ZNF500: variants seen among roughly 807,000 people sequenced by gnomAD.
ZNF500 encodes the protein zinc finger protein 500, also known as zinc finger protein with KRAB and SCAN domains 18.
A neutral mutation model predicts 30.1 loss-of-function variants in ZNF500; 31 were observed. The ratio of observed to expected loss-of-function variants is 1.03; its 90% CI spans 0.77 to 1.39. ZNF500 has a LOEUF of 1.39. Ranked by LOEUF, ZNF500 falls within the 40% of genes most tolerant of loss-of-function variation. The probability of loss-of-function intolerance (pLI) is 0.00; values close to 1 mark genes in which losing one functional copy is unlikely to be tolerated. For synonymous variants in ZNF500, 392 were observed against 282.0 expected, an observed-to-expected ratio of 1.39 and a Z score of -3.91; for missense variants, 817 against 657.8, an observed-to-expected ratio of 1.24 and a Z score of -2.65.
intron 1 of ZNF500, 48 bp from the exon 2 acceptor site, chr16:4,766,124 T>A: frequency 9.9e-7 from 1 of 1,014,094 alleles, no homozygotes; most frequent in Non-Finnish European, 1.4e-6. Context: ...TGGGGCTGGA[T>A]AAGCCCTTTG....
chr16:4,766,515 G>T (rs773107743), intron 1 of ZNF500, among the ~76,000 whole-genome samples: 2 of 152,162 alleles, frequency 1.3e-5, no homozygotes, highest in Admixed American at 6.6e-5. Flanking sequence ...CAGCAACTCG[G>T]GAGGCTGAGA....
intron 4 of ZNF500, 32 bp downstream of exon 4, chr16:4,762,239 A>C: frequency 6.2e-7 from 1 of 1,605,402 alleles, no homozygotes; most frequent in Non-Finnish European, 8.5e-7. Context: ...GCCAGACCCC[A>C]GGATGCTGCA....
chr16:4,763,001 T>G (rs549220977), intron 2 of ZNF500: 1 of 985,424 alleles, frequency 1.0e-6, no homozygotes, highest in Admixed American at 6.1e-5. Flanking sequence ...CCTCTATTCC[T>G]TGGTCCTCCT....
chr16:4,746,882 C>G (rs1266010206), downstream of ZNF500: 1 of 1,481,108 alleles, frequency 6.8e-7, no homozygotes, highest in East Asian at 2.6e-5. Context: ...AGTTGGAACA[C>G]CAGGTGGAGT....
Position 4,766,055 on chromosome 16 carries a change from G to A in ZNF500, c.-77C>T. The A allele has an allele frequency of 1.4e-6, 2 of 1,479,056 alleles. No homozygotes were observed. Among genetic ancestry groups the A allele is most frequent in the South Asian group, 2.8e-5 (2 of 72,104 alleles). The allele number at this position is 1,479,056 out of a possible 1,614,324, so 91.6% of individuals were successfully genotyped here. ...TCTCTATACCTCTGGCCAGACACAG[G>A]AAGAGAGTTTTTTTCAGGGCCCTGT... On this transcript the variant is annotated 5_prime_UTR_variant, in exon 2 of 6. Transcript: ENST00000219478.
chr16:4,745,414 C>T (rs944009112), downstream of ZNF500, among the ~76,000 whole-genome samples: 3 of 152,198 alleles, frequency 2.0e-5, no homozygotes, highest in Admixed American at 6.5e-5. Context: ...ATCTCTGTGT[C>T]TCTGTGTAGG....
Position 4,751,738 on chromosome 16 carries a change from A to C in ZNF500, c.*638T>G. On this transcript the variant is annotated 3_prime_UTR_variant, in exon 6 of 6. Transcript: ENST00000219478. ...GTATTGGGGGACCCTAAACCCAGTG[A>C]GTGGTGGCCCTACCAAAAAAGAGAC... The C allele has an allele frequency of 8.3e-7, 1 of 1,202,962 alleles. No individual in the cohort carries two copies. Among genetic ancestry groups the C allele is most frequent in the Non-Finnish European group, 1.2e-6 (1 of 847,134 alleles). 74.5% of individuals were successfully genotyped at this position (1,202,962 alleles called of 1,614,324 possible).
At chr16:4,756,527 G>A (rs1490482512) in intron 5 of ZNF500, 1 of 151,706 alleles carries the variant, frequency 6.6e-6, no homozygotes, top group Non-Finnish European at 1.5e-5. Context: ...AACACAGTGA[G>A]ACTCCATCTC....
At chr16:4,756,062 A>C (rs1162717817) in intron 5 of ZNF500, among the ~76,000 whole-genome samples, 2 of 152,164 alleles carry the variant, frequency 1.3e-5, no homozygotes, top group Non-Finnish European at 2.9e-5. Flanking sequence ...AATGGGGAGA[A>C]ACTGCTTGTT....
At chr16:4,745,378 T>C (rs2082001690), downstream of ZNF500, among the ~76,000 whole-genome samples, 1 of 152,152 alleles carries the variant, frequency 6.6e-6, no homozygotes. Context: ...GCTCTGGGCA[T>C]GTGACCCCAG....
At chr16:4,746,324 CAG>C, downstream of ZNF500, 3 of 1,560,874 alleles carry the variant, frequency 1.9e-6, no homozygotes, top group Non-Finnish European at 2.6e-6. Context: ...GCGCAGGTCA[CAG>C]AGTTATCACA....
chr16:4,766,849 C>G (rs1156805194), intron 1 of ZNF500, 168 bp downstream of exon 1: 2 of 152,296 alleles, frequency 1.3e-5, no homozygotes, highest in African/African-American at 4.8e-5. Flanking sequence ...CCCCCCAATT[C>G]CAGGGTCCTG....
chr16:4,759,812 G>A (rs924053011), intron 5 of ZNF500, among the ~76,000 whole-genome samples: 12 of 152,158 alleles, frequency 7.9e-5, no homozygotes, highest in Admixed American at 2.0e-4. Flanking sequence ...CTAGGCCAGC[G>A]GATCACCTGA....
At chr16:4,757,213 G>C (rs2082144035) in intron 5 of ZNF500, among the ~76,000 whole-genome samples, 1 of 152,218 alleles carries the variant, frequency 6.6e-6, no homozygotes, top group African/African-American at 2.4e-5. Context: ...TTATTACGAA[G>C]AGTGAAAGAA....
At chr16:4,763,285 G>C (rs145451875) in intron 2 of ZNF500, 7,316 of 294,710 alleles carry the variant, frequency 0.025, 137 homozygotes, top group Non-Finnish European at 0.031. Context: ...TGTAATCCCA[G>C]GTACTTGGGA....
intron 5 of ZNF500, among the ~76,000 whole-genome samples, chr16:4,759,548 G>A (rs573769714): frequency 6.6e-6 from 1 of 152,152 alleles, no homozygotes; most frequent in African/African-American, 2.4e-5. Flanking sequence ...TCAAGACCGT[G>A]GCACAGAAAT....
At chr16:4,747,395 G>A (rs1238378826), downstream of ZNF500, 1 of 1,610,648 alleles carries the variant, frequency 6.2e-7, no homozygotes, top group Non-Finnish European at 8.5e-7. Flanking sequence ...CTTTCAGAAG[G>A]GGACAGCCCA....
chr16:4,759,308 G>A (rs1053724373), intron 5 of ZNF500, among the ~76,000 whole-genome samples: 1 of 151,186 alleles, frequency 6.6e-6, no homozygotes, highest in African/African-American at 2.4e-5. Context: ...ATGAGATGGT[G>A]CAGATGCTGT....
intron 5 of ZNF500, among the ~76,000 whole-genome samples, chr16:4,755,372 A>G (rs747041330): frequency 1.3e-5 from 2 of 152,136 alleles, no homozygotes; most frequent in Non-Finnish European, 2.9e-5. Context: ...GCTGGAGTGC[A>G]GTGGTGTGAT....
Sources: allele counts gnomAD v4.1 joint callset (sites outside exome capture counted in the v4.1 genomes callset), GRCh38; gene constraint gnomAD v4.1.1; transcripts MANE v1.5; gene names NCBI Gene and HGNC (gene_info 2026-07-23, HGNC 2026-07-21).